The following ZNF648 variants were observed in gnomAD, a reference collection of about 807,000 sequenced individuals.
ZNF648 encodes the protein zinc finger protein 648.
ZNF648 carries 1 observed loss-of-function variant against 0.3 expected under a neutral mutation model. The ratio of observed to expected loss-of-function variants is 3.90; its 90% CI spans 1.39 to 18.51. The LOEUF (loss-of-function observed/expected upper bound fraction) is 18.51, where lower values mean the gene tolerates loss of function less well. Ranked by LOEUF, ZNF648 falls within the 30% of genes most tolerant of loss-of-function variation. ZNF648 has a pLI of 0.11. For missense variants in ZNF648, 874 were observed against 769.7 expected (o/e 1.14, Z -1.60); for synonymous variants, 376 against 326.8 (o/e 1.15, Z -1.62).
Position 182,055,038 on chromosome 1 carries a change from T to C in ZNF648, c.*1266A>G, listed in dbSNP as rs1454751007. ...AGGTACTCCCCCAAAAAGGGCACTA[T>C]ACCTTCTTATGGAATATCTTATTTA... On this transcript the variant is annotated 3_prime_UTR_variant, in exon 2 of 2. Coordinates refer to ENST00000339948, the MANE Select transcript of ZNF648 (RefSeq NM_001009992.1). This position sits in a 1 kb window ranked among gnomAD's most constrained non-coding sequence, Gnocchi z 4.1. 1 of 152,244 alleles carries C rather than the reference T, an allele frequency of 6.6e-6. No homozygotes were observed. The highest frequency in any genetic ancestry group is 6.5e-5 in the Admixed American group (1 of 15,288). The allele number at this position is 152,244 out of a possible 1,614,324, so 9.4% of individuals were successfully genotyped here. A position where few individuals can be genotyped will look rare whatever the true frequency, so the allele number is the denominator to read the frequency against.
Position 182,057,906 on chromosome 1 carries a change from ACT to A in ZNF648, c.103_104del (p.Ser35Ter). 1.2e-6 allele frequency: 2 copies of A among 1,613,338 alleles called. No homozygotes were observed. The highest frequency in any genetic ancestry group is 1.7e-6 in the Non-Finnish European group (2 of 1,179,850). ...DTQMLSMNLE[S>X]DDEDGGEAEK... ...CGGCCTCCCCACCATCTTCATCGTC[ACT>A]CTCTAAGTTCATGCTCAGCATCTGG... On this transcript the variant is annotated frameshift_variant, in exon 2 of 2. Coordinates refer to ENST00000339948, the MANE Select transcript of ZNF648 (RefSeq NM_001009992.1). LOFTEE classifies it low-confidence loss of function (END_TRUNC).
At chr1:182,067,111 A>G in the ZNF648 span, among the ~76,000 whole-genome samples, 4 of 152,324 alleles carry the variant, frequency 2.6e-5, no homozygotes, top group Middle Eastern at 3.4e-3. Flanking sequence ...ATGGGATGAC[A>G]TTATAAGGCA....
Position 182,056,664 on chromosome 1 carries a change from C to T in ZNF648, c.1347G>A (p.Lys449=). 1.2e-6 allele frequency: 2 copies of T among 1,606,562 alleles called. No homozygotes were observed. The highest frequency in any genetic ancestry group is 4.5e-5 in the East Asian group (2 of 44,488). Residue 449 remains lysine (K), a synonymous_variant, in exon 2 of 2, where the codon AAG becomes AAA. Transcript: ENST00000339948. ...QTLHTGQRPF[K]CADCGVAFAQ... ...CGAAGGCCACGCCGCAGTCAGCGCA[C>T]TTGAAAGGCCTCTGGCCGGTGTGCA...
chr1:182,055,505 G>A lies in ZNF648; in HGVS notation c.*799C>T, dbSNP rs577385657. 5 of 152,190 alleles carry A rather than the reference G, an allele frequency of 3.3e-5. No homozygotes were observed. Among genetic ancestry groups the A allele is most frequent in the East Asian group, 3.8e-4 (2 of 5,204 alleles). The allele number at this position is 152,190 out of a possible 1,614,324, so 9.4% of individuals were successfully genotyped here. A position where few individuals can be genotyped will look rare whatever the true frequency, so the allele number is the denominator to read the frequency against. ...CAGAGTGCAAACAGGAAAAGAGGCA[G>A]CCAGAGAGAAGGCATATATGAATTT... is the stretch of plus-strand genomic sequence containing the variant. On this transcript the variant is annotated 3_prime_UTR_variant, in exon 2 of 2. Coordinates refer to ENST00000339948, the MANE Select transcript of ZNF648 (RefSeq NM_001009992.1). The surrounding 1 kb of genome is among the most constrained non-coding windows in gnomAD (Gnocchi z 4.1).
chr1:182,060,909 C>G (rs556075136), intron 1 of ZNF648, among the ~76,000 whole-genome samples: 2 of 152,298 alleles, frequency 1.3e-5, no homozygotes, highest in East Asian at 3.9e-4. Context: ...CTCCCCACCC[C>G]ACCTCCAGCA....
upstream of ZNF648, among the ~76,000 whole-genome samples, chr1:182,066,047 C>T (rs888584578): frequency 3.3e-5 from 5 of 152,184 alleles, no homozygotes; most frequent in African/African-American, 9.7e-5. Flanking sequence ...TCATTCTGCC[C>T]AGTTCCTTAA....
In ZNF648 at chr1:182,057,499, C is replaced by T. The variant is rs768331566; in HGVS notation, c.512G>A (p.Gly171Glu). Residue 171 changes from glycine to glutamate, a missense_variant, in exon 2 of 2, where the codon GGA becomes GAA. Coordinates refer to ENST00000339948, the MANE Select transcript of ZNF648 (RefSeq NM_001009992.1). ...LDVPPSFPSN[G>E]KYLCAHKSVD... ...ACTTTTGTGCGCACAGAGATACTTT[C>T]CATTGCTGGGGAAGCTGGGTGGGAC... 3.1e-6 allele frequency: 5 copies of T among 1,614,098 alleles called. No individual in the cohort carries two copies. Among genetic ancestry groups the T allele is most frequent in the Admixed American group, 1.7e-5 (1 of 60,010 alleles).
rs200062722 is a variant in ZNF648 at position 182,057,900 on chromosome 1, A to G, written c.111T>C (p.Asp37=). The G allele has an allele frequency of 1.1e-5, 17 of 1,613,978 alleles. No individual in the cohort carries two copies. In the East Asian group the frequency reaches 2.9e-4, roughly 28 times the overall value. The change falls in exon 2 of 2, where the codon GAT becomes GAC. Residue 37 remains aspartate (D), a synonymous_variant. Transcript: ENST00000339948. ...QMLSMNLESD[D]EDGGEAEKEG... The stretch of plus-strand genomic sequence containing the variant: ...CTTTTTCGGCCTCCCCACCATCTTC[A>G]TCGTCACTCTCTAAGTTCATGCTCA...
upstream of ZNF648, among the ~76,000 whole-genome samples, chr1:182,062,192 G>A (rs1304474710): frequency 6.6e-6 from 1 of 152,154 alleles, no homozygotes; most frequent in Non-Finnish European, 1.5e-5. Context: ...CTTTTAACTG[G>A]GAGTAGGGGT....
chr1:182,068,954 G>GAAGA, the ZNF648 span: 2 of 147,812 alleles, frequency 1.4e-5, no homozygotes, highest in Non-Finnish European at 3.0e-5. Flanking sequence ...TCTGTTCTTA[G>GAAGA]AAGAAAGAAA....
upstream of ZNF648, chr1:182,062,535 G>A (rs1666045293): frequency 6.6e-6 from 1 of 152,090 alleles, no homozygotes; most frequent in South Asian, 2.1e-4. Flanking sequence ...TTTAACCTCT[G>A]TGTGCCTTAG....
the ZNF648 span, among the ~76,000 whole-genome samples, chr1:182,069,632 GT>G: frequency 6.6e-6 from 1 of 152,192 alleles, no homozygotes; most frequent in Non-Finnish European, 1.5e-5. Flanking sequence ...CTAATGGGGA[GT>G]GGGGGCTGGG....
chr1:182,063,427 T>C (rs1666056497), upstream of ZNF648: 1 of 152,336 alleles, frequency 6.6e-6, no homozygotes, highest in Non-Finnish European at 1.5e-5. Context: ...CTCATTGTGG[T>C]TTTAATTTGC....
the ZNF648 span, among the ~76,000 whole-genome samples, chr1:182,067,935 C>T: frequency 1.3e-5 from 2 of 152,188 alleles, no homozygotes; most frequent in Non-Finnish European, 2.9e-5. Context: ...AGCCTTGGGA[C>T]CTTGTAGAAA....
At position 182,057,960 on chromosome 1, in the gene ZNF648, G is replaced by C. The variant is rs148583226; in HGVS notation, c.51C>G (p.Ser17Arg). The C allele has an allele frequency of 6.2e-7, 1 of 1,613,824 alleles. No individual in the cohort carries two copies. Among genetic ancestry groups the C allele is most frequent in the East Asian group, 2.2e-5 (1 of 44,858 alleles). The change falls in exon 2 of 2, where the codon AGC becomes AGG. Residue 17 changes from serine to arginine, a missense_variant. Coordinates refer to ENST00000339948, the MANE Select transcript of ZNF648 (RefSeq NM_001009992.1). ...TGTCATGAGCTTCCTCAGTCAAGCT[G>C]CTGAGAGGAGACGCCTCTCCCCACC... is the stretch of plus-strand genomic sequence containing the variant. ...QDRWGEASPL[S>R]SLTEEAHDTQ... is the part of the protein sequence containing the mutation.
chr1:182,066,778 C>G, the ZNF648 span, among the ~76,000 whole-genome samples: 4 of 152,120 alleles, frequency 2.6e-5, no homozygotes, highest in African/African-American at 7.2e-5. Flanking sequence ...AGCATTTGGT[C>G]TAGTGTTAGC....
upstream of ZNF648, among the ~76,000 whole-genome samples, chr1:182,066,092 G>C (rs1015648310): frequency 1.3e-5 from 2 of 152,170 alleles, no homozygotes. Context: ...TTTATGTATT[G>C]GTTATTATTT....
At position 182,056,942 on chromosome 1, in the gene ZNF648, T is replaced by C. The variant is rs577254141; in HGVS notation, c.1069A>G (p.Met357Val). The C allele has an allele frequency of 1.2e-6, 2 of 1,612,752 alleles. No homozygotes were observed. The highest frequency in any genetic ancestry group is 2.2e-5 in the South Asian group (2 of 90,892). ...SSDLRKHQRNMHSNNKPFPCS... is the reference protein window; with the variant it reads ...SSDLRKHQRNVHSNNKPFPCS... ...GGGAAGGGCTTATTGTTGCTGTGCA[T>C]GTTGCGCTGGTGTTTGCGCAGGTCC... Residue 357 changes from methionine (M) to valine (V), a missense_variant, in exon 2 of 2, where the codon ATG becomes GTG. Coordinates refer to ENST00000339948, the MANE Select transcript of ZNF648 (RefSeq NM_001009992.1).
At chr1:182,066,174 C>T (rs111738085), upstream of ZNF648, among the ~76,000 whole-genome samples, 4,345 of 152,262 alleles carry the variant, frequency 0.029, 77 homozygotes, top group Non-Finnish European at 0.046. Context: ...AGGGTCTGCC[C>T]GCCTGTCTGG....
Sources: gnomAD v4.1 joint callset for allele counts (sites outside exome capture counted in the v4.1 genomes callset) on GRCh38, gnomAD v4.1.1 for gene constraint, Gnocchi (gnomAD v3.1) non-coding constraint, MANE v1.5 for transcripts, NCBI Gene and HGNC (gene_info 2026-07-23, HGNC 2026-07-21) for gene names.